The following RELN variants were observed in gnomAD, a reference collection of about 807,000 sequenced individuals.
RELN encodes reelin.
Under a neutral mutation model 427.6 loss-of-function variants are expected in RELN, and 108 were observed. The observed-to-expected ratio is 0.25, with a 90% CI of 0.22 to 0.30. The LOEUF (loss-of-function observed/expected upper bound fraction) is 0.30, where lower values mean the gene tolerates loss of function less well. Ranked by LOEUF, RELN falls within the 10% of genes least tolerant of loss-of-function variation. RELN has a pLI of 1.00. For missense variants in RELN, 3,715 were observed against 4,302.8 expected (o/e 0.86, Z 3.82); for synonymous variants, 1,524 against 1,513.4 (o/e 1.01, Z -0.16).
chr7:103,887,664 T>G (rs556781220), intron 2 of RELN, among the ~76,000 whole-genome samples: 6 of 150,764 alleles, frequency 4.0e-5, no homozygotes, highest in African/African-American at 9.8e-5. Flanking sequence ...ATTTCTGTGG[T>G]CAGACATGAG....
intron 2 of RELN, among the ~76,000 whole-genome samples, chr7:103,842,337 G>GA (rs1793571877): frequency 6.6e-6 from 1 of 151,356 alleles, no homozygotes; most frequent in Non-Finnish European, 1.5e-5. Context: ...AAGAAAAAAT[G>GA]AATTATAGAA....
intron 1 of RELN, among the ~76,000 whole-genome samples, chr7:103,928,719 T>C (rs1206610480): frequency 6.6e-6 from 1 of 152,218 alleles, no homozygotes; most frequent in Non-Finnish European, 1.5e-5. Flanking sequence ...GGAACACCTG[T>C]TCTTAGGAGA....
At chr7:103,639,398 C>G (rs1194537817) in intron 17 of RELN, among the ~76,000 whole-genome samples, 1 of 149,990 alleles carries the variant, frequency 6.7e-6, no homozygotes, top group Non-Finnish European at 1.5e-5. Context: ...TTTTCTTTTT[C>G]TCTCTTTTTT....
chr7:103,727,951 C>T (rs755891306), intron 7 of RELN, among the ~76,000 whole-genome samples, 160 bp downstream of exon 7: 8 of 152,062 alleles, frequency 5.3e-5, no homozygotes, highest in Admixed American at 1.3e-4. Context: ...CAAAAATAGG[C>T]CATAGAATCA....
intron 2 of RELN, among the ~76,000 whole-genome samples, chr7:103,902,840 G>T (rs1448703454): frequency 6.6e-6 from 1 of 152,060 alleles, no homozygotes; most frequent in African/African-American, 2.4e-5. Flanking sequence ...TTCATATGTT[G>T]CATCAAGAAC....
chr7:103,583,076 C>T (rs1247294016), intron 28 of RELN, among the ~76,000 whole-genome samples: 1 of 152,152 alleles, frequency 6.6e-6, no homozygotes, highest in South Asian at 2.1e-4. Flanking sequence ...CCAAACTTTA[C>T]AGGCTGTGGG....
At chr7:103,548,807 C>T (rs1830353496) in intron 41 of RELN, among the ~76,000 whole-genome samples, 2 of 152,110 alleles carry the variant, frequency 1.3e-5, no homozygotes, top group Admixed American at 1.3e-4. Context: ...GTGGGCATTA[C>T]CAATGCTGAG....
At chr7:103,592,847 T>C (rs362662) in intron 27 of RELN, among the ~76,000 whole-genome samples, 6,831 of 152,264 alleles carry the variant, frequency 0.045, 219 homozygotes, top group East Asian at 0.15. Flanking sequence ...TATATTGTTA[T>C]TGATATTTTT....
chr7:103,944,467 G>T (rs779285988), intron 1 of RELN, among the ~76,000 whole-genome samples: 1 of 152,154 alleles, frequency 6.6e-6, no homozygotes, highest in Non-Finnish European at 1.5e-5. Flanking sequence ...GAAGGGTGAT[G>T]TAAGTCAGGA....
At chr7:103,907,989 C>T (rs1158002521) in intron 2 of RELN, among the ~76,000 whole-genome samples, 5 of 151,956 alleles carry the variant, frequency 3.3e-5, no homozygotes, top group South Asian at 2.1e-4. Context: ...CAGTGTGTGA[C>T]GTTCCTCTCC....
chr7:103,928,650 T>C (rs559421439), intron 1 of RELN, among the ~76,000 whole-genome samples: 6 of 152,336 alleles, frequency 3.9e-5, no homozygotes, highest in African/African-American at 1.4e-4. Context: ...CACTTTGCCT[T>C]TTATTATACT....
In RELN at chr7:103,611,769, G is replaced by A. The variant is rs771172788; in HGVS notation, c.2737C>T (p.Arg913Cys). 4.0e-5 allele frequency: 64 copies of A among 1,613,670 alleles called. No individual in the cohort carries two copies. Among genetic ancestry groups the A allele is most frequent in the South Asian group, 3.4e-4 (31 of 91,062 alleles). The change falls in exon 21 of 65, where the codon CGC (arginine) becomes TGC (cysteine). Residue 913 changes from arginine (R) to cysteine (C), a missense_variant. Around this residue, in one of 4 missense-constraint regions of RELN, gnomAD observed 2,208 missense variants for 2,361.7 expected, o/e 0.93. Transcript: ENST00000428762. Reference sequence around the variant, plus strand: ...TGCATTGATTGTGTTTCCACATAGCGCATACTTGAGGCAAGTTTAGAATCT... The same window carrying A: ...TGCATTGATTGTGTTTCCACATAGCACATACTTGAGGCAAGTTTAGAATCT... ...TGDSKLASSM[R>C]YVETQSMQIG...
At chr7:103,816,455 TCA>T (rs1792871437) in intron 3 of RELN, among the ~76,000 whole-genome samples, 1 of 151,120 alleles carries the variant, frequency 6.6e-6, no homozygotes, top group African/African-American at 2.4e-5. Context: ...TGTGAAAAAA[TCA>T]ATATGCACAC....
chr7:103,863,320 G>C (rs181494578), intron 2 of RELN, among the ~76,000 whole-genome samples: 1 of 152,232 alleles, frequency 6.6e-6, no homozygotes, highest in East Asian at 1.9e-4. Context: ...TAGAATGTTA[G>C]AGCTGGAAAG....
chr7:103,981,617 C>T (rs1478931052), intron 1 of RELN, among the ~76,000 whole-genome samples: 28 of 152,170 alleles, frequency 1.8e-4, no homozygotes, highest in Admixed American at 1.8e-3. Context: ...CTACAAGTAA[C>T]AGAAACAACT....
rs969619628 is a variant in RELN, at chr7:103,545,247, C to G, written c.6400G>C (p.Glu2134Gln). Residue 2134 changes from glutamate (E) to glutamine (Q), a missense_variant, in exon 42 of 65, where the codon GAG (glutamate) becomes CAG (glutamine). Glu to Gln is a conservative substitution (Grantham distance 29). Coordinates refer to ENST00000428762, the MANE Select transcript of RELN (RefSeq NM_005045.4). The part of the protein sequence containing the change: ...DNVYIGPQCE[E>Q]MCNGQGSCIN... ...CAGCTCCCCTGTCCATTACACATCT[C>G]CTCACACTGGGGACCGATGTAGACA... The G allele has an allele frequency of 6.2e-7, 1 of 1,613,950 alleles. No individual in the cohort carries two copies. Among genetic ancestry groups the G allele is most frequent in the Admixed American group, 1.7e-5 (1 of 60,012 alleles).
chr7:103,507,668 C>A (rs1018895239), intron 51 of RELN, among the ~76,000 whole-genome samples: 1 of 151,846 alleles, frequency 6.6e-6, no homozygotes, highest in Non-Finnish European at 1.5e-5. Flanking sequence ...CAGAAGACAA[C>A]AAATAACTAA....
At chr7:103,550,608 GCTAA>G (rs1242028782) in intron 41 of RELN, among the ~76,000 whole-genome samples, 2 of 147,548 alleles carry the variant, frequency 1.4e-5, no homozygotes, top group Non-Finnish European at 3.0e-5. Context: ...GGGGCAACGT[GCTAA>G]CTTTTTTTTT....
At chr7:103,621,424 C>T (rs534408678) in intron 20 of RELN, among the ~76,000 whole-genome samples, 2 of 152,218 alleles carry the variant, frequency 1.3e-5, no homozygotes, top group Admixed American at 1.3e-4. Flanking sequence ...TTAGATAATA[C>T]ACATTTTTGC....
Sources: gnomAD v4.1 joint callset for allele counts (sites outside exome capture counted in the v4.1 genomes callset) on GRCh38, gnomAD v4.1.1 for gene constraint, gnomAD v4.1.1 regional missense constraint, MANE v1.5 for transcripts, NCBI Gene and HGNC (gene_info 2026-07-23, HGNC 2026-07-21) for gene names.